The following ANKS1B variants were observed in gnomAD, a reference collection of about 807,000 sequenced individuals.
ANKS1B encodes ankyrin repeat and sterile alpha motif domain containing 1B.
In ANKS1B, 36 loss-of-function variants were observed where a neutral mutation model predicts 148.3. The ratio of observed to expected loss-of-function variants is 0.24; its 90% CI spans 0.19 to 0.32. The LOEUF (loss-of-function observed/expected upper bound fraction) is 0.32. Among genes scored for constraint, ANKS1B ranks in the 10% least tolerant of loss-of-function variants. The pLI is 1.00. For missense variants in ANKS1B, 1,157 were observed against 1,542.6 expected (o/e 0.75, Z 4.19); for synonymous variants, 542 against 560.8 (o/e 0.97, Z 0.47).
At chr12:99,333,764 C>A (rs999169480) in intron 12 of ANKS1B, among the ~76,000 whole-genome samples, 3 of 151,676 alleles carry the variant, frequency 2.0e-5, no homozygotes, top group African/African-American at 7.3e-5. Flanking sequence ...CATCTCCAGC[C>A]CCTTTTCTAG....
intron 8 of ANKS1B, among the ~76,000 whole-genome samples, chr12:99,707,901 T>C (rs1833053024): frequency 6.6e-6 from 1 of 152,092 alleles, no homozygotes; most frequent in Admixed American, 6.6e-5. Flanking sequence ...GGTGTATGTG[T>C]GGGAGAATTT....
At chr12:99,841,272 T>C (rs1035160263) in intron 1 of ANKS1B, among the ~76,000 whole-genome samples, 1 of 152,034 alleles carries the variant, frequency 6.6e-6, no homozygotes, top group Non-Finnish European at 1.5e-5. Context: ...TTAAATTTAT[T>C]TAGGATATCT....
chr12:99,822,125 A>G (rs1029885460), intron 2 of ANKS1B, among the ~76,000 whole-genome samples: 6 of 152,128 alleles, frequency 3.9e-5, no homozygotes, highest in Non-Finnish European at 1.5e-5. Flanking sequence ...ACATTTTAAG[A>G]GAAAAATGTC....
At chr12:99,979,979 G>A (rs2095674844) in intron 1 of ANKS1B, among the ~76,000 whole-genome samples, 1 of 151,794 alleles carries the variant, frequency 6.6e-6, no homozygotes, top group Admixed American at 6.6e-5. Flanking sequence ...GGGGAGAGAA[G>A]TTAATACGCT....
intron 10 of ANKS1B, among the ~76,000 whole-genome samples, chr12:99,482,576 G>T (rs1336907676): frequency 6.6e-6 from 1 of 151,884 alleles, no homozygotes; most frequent in Non-Finnish European, 1.5e-5. Flanking sequence ...AATAATGTTG[G>T]TATTTTGATG....
intron 14 of ANKS1B, among the ~76,000 whole-genome samples, chr12:99,168,444 G>T (rs1318257661): frequency 1.4e-4 from 21 of 151,780 alleles, no homozygotes; most frequent in African/African-American, 5.1e-4. Context: ...ACTTGAACCT[G>T]GGAGGCAGAG....
Position 99,357,249 on chromosome 12 carries a change from AT to A in ANKS1B, c.1756+42381del, listed in dbSNP as rs1464182691. ...TTACTATAAGTTTTTGGAAAGTGTC[AT>A]TTTTTTCATGACTAAATAATTAAAT... On this transcript the variant is annotated intron_variant, in intron 12 of 26. Transcript: ENST00000683438. Among the ~76,000 whole-genome samples, 4 of 151,942 alleles carry A rather than the reference AT, an allele frequency of 2.6e-5. No individual in the cohort carries two copies. In the East Asian group the frequency reaches 5.8e-4, roughly 22 times the overall value.
At chr12:98,738,784 C>T (rs1303683384) in intron 9 of ANKS1B, among the ~76,000 whole-genome samples, 1 of 152,206 alleles carries the variant, frequency 6.6e-6, no homozygotes, top group Non-Finnish European at 1.5e-5. Flanking sequence ...GGCTTGGTTT[C>T]ACTAGCTGGG....
chr12:99,410,340 T>A (rs1211448037), intron 11 of ANKS1B, among the ~76,000 whole-genome samples: 1 of 147,542 alleles, frequency 6.8e-6, no homozygotes, highest in Non-Finnish European at 1.5e-5. Flanking sequence ...TGATCTTTTA[T>A]AAAAAAAAAA....
At chr12:99,169,588 A>G (rs958970915) in intron 14 of ANKS1B, among the ~76,000 whole-genome samples, 2 of 152,184 alleles carry the variant, frequency 1.3e-5, no homozygotes, top group African/African-American at 4.8e-5. Context: ...AAGGTAGCTA[A>G]TATTTATTGG....
rs2153395828 is a variant in ANKS1B at position 98,751,184 on chromosome 12, G to T, written c.3747+171C>A. 6.6e-6 allele frequency among the ~76,000 whole-genome samples: 1 copy of T among 152,310 alleles called. No homozygotes were observed. Among genetic ancestry groups the T allele is most frequent in the South Asian group, 2.1e-4 (1 of 4,830 alleles). ...TTGAGGGAGATGGTGCCCAAGACTT[G>T]GTGGGAACCAGGCAGAGGTGATGAT... On this transcript the variant is annotated intron_variant, in intron 26 of 26. Transcript: ENST00000683438. The surrounding 1 kb of genome is among the most constrained non-coding windows in gnomAD (Gnocchi z 4.3).
chr12:99,528,067 C>T (rs906634258), intron 9 of ANKS1B, among the ~76,000 whole-genome samples: 4 of 151,920 alleles, frequency 2.6e-5, no homozygotes, highest in African/African-American at 9.7e-5. Flanking sequence ...GAAATAAAGC[C>T]ACATGTCTAC....
chr12:99,154,653 C>A, intron 14 of ANKS1B: 1 of 1,441,502 alleles, frequency 6.9e-7, no homozygotes, highest in Non-Finnish European at 9.1e-7. Context: ...TTACTACCGA[C>A]CAGTACGTCA....
Position 99,665,332 on chromosome 12 carries a change from T to G in ANKS1B, c.1129-10122A>C, listed in dbSNP as rs73387948. Among the ~76,000 whole-genome samples the G allele has an allele frequency of 9.7e-3, 1,474 of 152,320 alleles. 29 individuals are homozygous for G. The highest frequency in any genetic ancestry group is 0.033 in the African/African-American group (1,381 of 41,566). On this transcript the variant is annotated intron_variant, in intron 8 of 26. Transcript: ENST00000683438. ...GAGTTATCGCAATAGTATGTAGTTA[T>G]CAAATGGTATGTAGAATTATCACAA...
chr12:99,239,695 C>T (rs925025143), intron 14 of ANKS1B, among the ~76,000 whole-genome samples: 5 of 152,184 alleles, frequency 3.3e-5, no homozygotes, highest in Admixed American at 2.0e-4. Flanking sequence ...CAAAGGGAAG[C>T]CCATTAGACT....
At chr12:99,236,991 T>C (rs1421491419) in intron 14 of ANKS1B, among the ~76,000 whole-genome samples, 6 of 152,082 alleles carry the variant, frequency 3.9e-5, no homozygotes, top group Non-Finnish European at 7.4e-5. Context: ...GGAAAAATAA[T>C]GGGTACTAGG....
intron 8 of ANKS1B, among the ~76,000 whole-genome samples, chr12:99,766,935 T>C (rs975111143): frequency 1.4e-5 from 2 of 141,200 alleles, no homozygotes; most frequent in African/African-American, 5.4e-5. Flanking sequence ...TAGAATGTGT[T>C]TGAAGGTAAA....
intron 12 of ANKS1B, among the ~76,000 whole-genome samples, chr12:99,343,487 C>T (rs1453425254): frequency 6.6e-6 from 1 of 151,972 alleles, no homozygotes; most frequent in Non-Finnish European, 1.5e-5. Context: ...TAAGGCTAAT[C>T]CCTTTATCTG....
chr12:99,556,237 C>A (rs1390054516), intron 9 of ANKS1B, among the ~76,000 whole-genome samples: 1 of 152,058 alleles, frequency 6.6e-6, no homozygotes, highest in East Asian at 1.9e-4. Context: ...GATAATAGTT[C>A]CTGAGGGTTT....
Sources: allele counts gnomAD v4.1 joint callset (sites outside exome capture counted in the v4.1 genomes callset), GRCh38; gene constraint gnomAD v4.1.1; non-coding constraint Gnocchi (gnomAD v3.1); transcripts MANE v1.5; gene names NCBI Gene and HGNC (gene_info 2026-07-23, HGNC 2026-07-21).